The following ZNF682 variants were observed in gnomAD, a reference collection of about 807,000 sequenced individuals.
ZNF682 encodes the protein zinc finger protein 682.
ZNF682 carries 29 observed loss-of-function variants against 36.5 expected under a neutral mutation model. The observed-to-expected ratio is 0.80, with a 90% CI of 0.59 to 1.08. The LOEUF (loss-of-function observed/expected upper bound fraction) is 1.08, where lower values mean the gene tolerates loss of function less well. Among genes scored for constraint, ZNF682 ranks in the 50% least tolerant of loss-of-function variants. The pLI is 0.00. For synonymous variants in ZNF682, 180 were observed against 197.0 expected (o/e 0.91, Z 0.72); for missense variants, 561 against 579.7 (o/e 0.97, Z 0.33).
chr19:20,007,438 C>T, intron 3 of ZNF682, 163 bp from the exon 4 acceptor site: 1 of 616,476 alleles, frequency 1.6e-6, no homozygotes, highest in Admixed American at 3.2e-5. Flanking sequence ...TTGAGTAAAA[C>T]ATCATACTTT....
intron 1 of ZNF682, among the ~76,000 whole-genome samples, chr19:20,032,504 G>A (rs2088487907): frequency 6.6e-6 from 1 of 152,160 alleles, no homozygotes; most frequent in Non-Finnish European, 1.5e-5. Flanking sequence ...TTTGGGGTTT[G>A]CACAATTGTG....
downstream of ZNF682, among the ~76,000 whole-genome samples, chr19:20,001,368 CTACTT>C (rs2088167408): frequency 1.3e-5 from 2 of 152,158 alleles, no homozygotes; most frequent in African/African-American, 2.4e-5. Flanking sequence ...GGGGGTGAGA[CTACTT>C]TACGCATGTT....
At chr19:20,027,522 G>A (rs2088441743) in intron 1 of ZNF682, among the ~76,000 whole-genome samples, 1 of 152,222 alleles carries the variant, frequency 6.6e-6, no homozygotes, top group African/African-American at 2.4e-5. Flanking sequence ...CACTCTGGGA[G>A]GCCAAGGCAG....
chr19:20,031,696 A>G (rs2088481038), intron 1 of ZNF682, among the ~76,000 whole-genome samples: 1 of 152,176 alleles, frequency 6.6e-6, no homozygotes, highest in Non-Finnish European at 1.5e-5. Flanking sequence ...TAATCCCAGC[A>G]CTGTGGGAGG....
downstream of ZNF682, among the ~76,000 whole-genome samples, chr19:19,995,838 A>G (rs1027665641): frequency 6.6e-6 from 1 of 152,180 alleles, no homozygotes; most frequent in African/African-American, 2.4e-5. Flanking sequence ...ATACATGAAC[A>G]TAACATCTCA....
intron 3 of ZNF682, 110 bp from the exon 4 acceptor site, chr19:20,007,385 A>T: frequency 4.8e-6 from 5 of 1,035,624 alleles, no homozygotes; most frequent in East Asian, 2.6e-5. Context: ...GACTTACTAG[A>T]TGCAGCTGGG....
chr19:19,996,961 T>A (rs2088131933), downstream of ZNF682: 1 of 342,634 alleles, frequency 2.9e-6, no homozygotes, highest in South Asian at 1.5e-4. Context: ...TTTGTCTCCA[T>A]ATTCTCAGAT....
At position 20,039,444 on chromosome 19, in the gene ZNF682, A is replaced by T; in HGVS notation, c.-99T>A. The T allele has an allele frequency of 1.3e-6, 2 of 1,510,610 alleles. No homozygotes were observed. Among genetic ancestry groups the T allele is most frequent in the South Asian group, 2.3e-5 (2 of 86,798 alleles). 93.6% of individuals were successfully genotyped at this position (1,510,610 alleles called of 1,614,324 possible). ...GCTGCGACAGTCACCGGGAACTACT[A>T]GAGCAGAGGATACTAAGCAATGAAG... On this transcript the variant is annotated 5_prime_UTR_variant, in exon 1 of 4. Transcript: ENST00000397165.
chr19:20,026,925 T>C (rs1219244074), intron 1 of ZNF682, among the ~76,000 whole-genome samples: 1 of 152,108 alleles, frequency 6.6e-6, no homozygotes, highest in Non-Finnish European at 1.5e-5. Flanking sequence ...AGAAGTAATA[T>C]TTATAAGAAG....
intron 1 of ZNF682, among the ~76,000 whole-genome samples, chr19:20,024,711 G>A (rs1045942003): frequency 7.2e-5 from 11 of 152,112 alleles, no homozygotes; most frequent in Non-Finnish European, 1.5e-4. Flanking sequence ...GGTGGTGCAC[G>A]CCTGTAATCC....
intron 3 of ZNF682, among the ~76,000 whole-genome samples, chr19:20,011,204 T>TA (rs2088285008): frequency 6.6e-6 from 1 of 151,422 alleles, no homozygotes; most frequent in Non-Finnish European, 1.5e-5. Context: ...CCAACAACAG[T>TA]AAAAAAGACA....
chr19:20,036,688 C>T (rs941599365), intron 1 of ZNF682, among the ~76,000 whole-genome samples: 20 of 150,836 alleles, frequency 1.3e-4, no homozygotes, highest in East Asian at 1.9e-4. Flanking sequence ...TTTTCTAGGC[C>T]GGGCATGGTG....
chr19:20,019,121 T>C lies in ZNF682; in HGVS notation c.226+3883A>G, dbSNP rs148756807. On this transcript the variant is annotated intron_variant, in intron 3 of 3. Transcript: ENST00000397165. ...CATCTCTCCGAAGAAGTTACATAAA[T>C]AGCCTATAAGCATTTGAAAGGATGC... Among the ~76,000 whole-genome samples the C allele has an allele frequency of 1.8e-3, 279 of 152,262 alleles. 3 individuals carry two copies. The highest frequency in any genetic ancestry group is 6.5e-3 in the African/African-American group (271 of 41,546).
chr19:20,030,594 A>G (rs2088471511), intron 1 of ZNF682: 1 of 152,176 alleles, frequency 6.6e-6, no homozygotes, highest in African/African-American at 2.4e-5. Flanking sequence ...AGAAAAAATA[A>G]CTATAATAAC....
intron 3 of ZNF682, among the ~76,000 whole-genome samples, chr19:20,021,011 A>C (rs2088378790): frequency 6.6e-6 from 1 of 152,190 alleles, no homozygotes; most frequent in Admixed American, 6.5e-5. Context: ...AGTTAATCAT[A>C]ATGCTCTATA....
intron 3 of ZNF682, among the ~76,000 whole-genome samples, chr19:19,999,038 G>A (rs1475727423): frequency 1.3e-5 from 2 of 151,974 alleles, no homozygotes; most frequent in African/African-American, 4.8e-5. Flanking sequence ...TGGGATTACT[G>A]GCTTTAAAAA....
intron 2 of ZNF682, among the ~76,000 whole-genome samples, 192 bp from the exon 3 acceptor site, chr19:20,023,291 G>A (rs998934313): frequency 1.3e-5 from 2 of 152,110 alleles, no homozygotes; most frequent in East Asian, 1.9e-4. Context: ...GAGGTCAGGA[G>A]ATCGAGACCA....
At chr19:20,031,775 T>C (rs1333605153) in intron 1 of ZNF682, among the ~76,000 whole-genome samples, 1 of 152,106 alleles carries the variant, frequency 6.6e-6, no homozygotes, top group Non-Finnish European at 1.5e-5. Context: ...ACCCCATCTC[T>C]ACTAAAAATA....
chr19:20,014,778 CAA>C (rs554191306), intron 3 of ZNF682, among the ~76,000 whole-genome samples: 21 of 72,058 alleles, frequency 2.9e-4, no homozygotes, highest in Non-Finnish European at 2.6e-4. Context: ...GACTCCATCT[CAA>C]AAAAAAAAAA....
Sources: gnomAD v4.1 joint callset for allele counts (sites outside exome capture counted in the v4.1 genomes callset) on GRCh38, gnomAD v4.1.1 for gene constraint, MANE v1.5 for transcripts, NCBI Gene and HGNC (gene_info 2026-07-23, HGNC 2026-07-21) for gene names.